CREB5: variants seen among roughly 807,000 people sequenced by gnomAD.
CREB5 encodes cAMP responsive element binding protein 5.
Under a neutral mutation model 57.1 loss-of-function variants are expected in CREB5, and 19 were observed. The ratio of observed to expected loss-of-function variants is 0.33; its 90% CI spans 0.23 to 0.49. The LOEUF (loss-of-function observed/expected upper bound fraction) is 0.49. CREB5 is among the 20% of genes least tolerant of loss of function. CREB5 has a pLI of 0.99. For synonymous variants in CREB5, 238 were observed against 238.3 expected (o/e 1.00, Z 0.01); for missense variants, 579 against 671.6 (o/e 0.86, Z 1.52).
At chr7:28,367,902 C>G (rs1317484279) in intron 1 of CREB5, among the ~76,000 whole-genome samples, 1 of 152,140 alleles carries the variant, frequency 6.6e-6, no homozygotes, top group African/African-American at 2.4e-5. Context: ...CGTCACCTTC[C>G]CTGCTCCCTC....
rs1809904441 is a variant in CREB5 at position 28,823,584 on chromosome 7, T to C, written c.*4305T>C. The stretch of plus-strand genomic sequence containing the variant: ...TTTAATCAACATTCTGAACAGTTTT[T>C]TTTAAACATTTATTTCTGTGTGTTC... On this transcript the variant is annotated 3_prime_UTR_variant, in exon 11 of 11. Coordinates refer to ENST00000357727, the MANE Select transcript of CREB5 (RefSeq NM_182898.4). 6.6e-6 allele frequency: 1 copy of C among 152,556 alleles called. No individual in the cohort carries two copies. The highest frequency in any genetic ancestry group is 2.4e-5 in the African/African-American group (1 of 41,450). 9.5% of individuals were successfully genotyped at this position (152,556 alleles called of 1,614,324 possible).
intron 5 of CREB5, among the ~76,000 whole-genome samples, chr7:28,639,728 C>T (rs1278781510): frequency 1.3e-5 from 2 of 152,116 alleles, no homozygotes; most frequent in Non-Finnish European, 2.9e-5. Flanking sequence ...TAGGAGAACC[C>T]AGTTCTCCAG....
At chr7:28,314,925 A>T (rs1342890927) in intron 1 of CREB5, among the ~76,000 whole-genome samples, 1 of 152,184 alleles carries the variant, frequency 6.6e-6, no homozygotes, top group Non-Finnish European at 1.5e-5. Context: ...AAACTGTTCA[A>T]CTTTGTTTAA....
chr7:28,594,154 G>T (rs1796619709), intron 5 of CREB5, among the ~76,000 whole-genome samples: 1 of 152,170 alleles, frequency 6.6e-6, no homozygotes, highest in African/African-American at 2.4e-5. Context: ...ATGAAAACTG[G>T]TGTTGATGCT....
chr7:28,634,529 G>T (rs1012977660), intron 5 of CREB5, among the ~76,000 whole-genome samples: 2 of 151,964 alleles, frequency 1.3e-5, no homozygotes, highest in Non-Finnish European at 2.9e-5. Flanking sequence ...ACCTTAGATG[G>T]CCACAATTTC....
chr7:28,515,909 A>ATATAT lies in CREB5; in HGVS notation c.291+8172_291+8173insTATAT, dbSNP rs1554335824. On this transcript the variant is annotated intron_variant, in intron 4 of 10. Coordinates refer to ENST00000357727, the MANE Select transcript of CREB5 (RefSeq NM_182898.4). ...AACTAACAGAAATGTTTAAAGTAAA[A>ATATAT]ATATATATATATATGACCAGGTGTG... is the stretch of plus-strand genomic sequence containing the variant. 1.1e-3 allele frequency among the ~76,000 whole-genome samples: 163 copies of ATATAT among 151,096 alleles called. No homozygotes were observed. The Middle Eastern group carries it at 0.017, about 16-fold the overall frequency.
intron 5 of CREB5, among the ~76,000 whole-genome samples, chr7:28,609,348 C>T (rs1183557868): frequency 6.6e-6 from 1 of 152,074 alleles, no homozygotes; most frequent in Non-Finnish European, 1.5e-5. Context: ...AATTTCTGAG[C>T]CCTGACCTTA....
At chr7:28,742,565 C>CAA (rs34453832) in intron 7 of CREB5, among the ~76,000 whole-genome samples, 17 of 149,418 alleles carry the variant, frequency 1.1e-4, no homozygotes, top group South Asian at 4.2e-4. Context: ...GACTCCGTCT[C>CAA]AAAAAAAAAG....
At chr7:28,663,519 T>G (rs528019893) in intron 5 of CREB5, among the ~76,000 whole-genome samples, 1 of 152,130 alleles carries the variant, frequency 6.6e-6, no homozygotes, top group Admixed American at 6.5e-5. Context: ...TGTCCCCTTT[T>G]GAGTGAAGGC....
chr7:28,738,626 T>C (rs1804170144), intron 7 of CREB5, among the ~76,000 whole-genome samples: 2 of 152,214 alleles, frequency 1.3e-5, no homozygotes, highest in South Asian at 4.1e-4. Context: ...AGGGCAAGTC[T>C]GGACAAAGTC....
chr7:28,402,424 T>C (rs998141433), intron 1 of CREB5, among the ~76,000 whole-genome samples: 1 of 152,174 alleles, frequency 6.6e-6, no homozygotes, highest in Non-Finnish European at 1.5e-5. Context: ...TCAAGCTGTA[T>C]ACTACAAGGC....
intron 5 of CREB5, among the ~76,000 whole-genome samples, chr7:28,670,993 G>A (rs550587846): frequency 9.2e-5 from 14 of 152,190 alleles, no homozygotes; most frequent in African/African-American, 2.9e-4. Context: ...TAACTGTGGC[G>A]GAGAGTGGTG....
chr7:28,386,324 C>T (rs1041466268), intron 1 of CREB5, among the ~76,000 whole-genome samples: 7 of 152,066 alleles, frequency 4.6e-5, no homozygotes, highest in East Asian at 1.9e-4. Context: ...CTATGATGAT[C>T]GTTCCTTTAC....
chr7:28,561,019 T>TGCGTGCGTGCGTGCGTGC, intron 4 of CREB5, among the ~76,000 whole-genome samples: 1 of 31,356 alleles, frequency 3.2e-5, no homozygotes, highest in Admixed American at 3.4e-4. Context: ...TGTGTGTGCG[T>TGCGTGCGTGCGTGCGTGC]GTGTGCGTGT....
At chr7:28,521,395 C>T (rs897006628) in intron 4 of CREB5, among the ~76,000 whole-genome samples, 6 of 152,102 alleles carry the variant, frequency 3.9e-5, no homozygotes, top group Admixed American at 3.9e-4. Flanking sequence ...CCCAGGCTCG[C>T]GGAGGTCTGC....
chr7:28,720,763 A>G (rs894399755), intron 6 of CREB5, among the ~76,000 whole-genome samples: 15 of 152,176 alleles, frequency 9.9e-5, no homozygotes, highest in African/African-American at 3.1e-4. Flanking sequence ...CAACCCAACC[A>G]ACTACGTGAA....
chr7:28,788,754 G>T (rs1372239134), intron 7 of CREB5, among the ~76,000 whole-genome samples: 1 of 151,970 alleles, frequency 6.6e-6, no homozygotes, highest in African/African-American at 2.4e-5. Context: ...CAGTTGGAAG[G>T]GTAGAAGGAA....
At chr7:28,409,929 C>A (rs752644603), upstream of CREB5, 12 of 453,712 alleles carry the variant, frequency 2.6e-5, no homozygotes, top group Admixed American at 2.8e-4. This position sits in a 1 kb window ranked among gnomAD's most constrained non-coding sequence, Gnocchi z 4.4. Context: ...TCCAGAAGTG[C>A]GGTCAAGCGG....
At chr7:28,712,524 T>TTTATTA (rs752228734) in intron 5 of CREB5, among the ~76,000 whole-genome samples, 12 of 135,322 alleles carry the variant, frequency 8.9e-5, no homozygotes, top group African/African-American at 2.6e-4. Flanking sequence ...AAAAAGAGAA[T>TTTATTA]TTATTATTAT....
Sources: gnomAD v4.1 joint callset for allele counts (sites outside exome capture counted in the v4.1 genomes callset) on GRCh38, gnomAD v4.1.1 for gene constraint, Gnocchi (gnomAD v3.1) non-coding constraint, MANE v1.5 for transcripts, NCBI Gene and HGNC (gene_info 2026-07-23, HGNC 2026-07-21) for gene names.